The following RTN3 variants were observed in gnomAD, a reference collection of about 807,000 sequenced individuals.
The protein encoded by RTN3 is reticulon-3.
Under a neutral mutation model 77.8 loss-of-function variants are expected in RTN3, and 49 were observed. That is an observed-to-expected ratio of 0.63 (90% CI 0.50 to 0.80). RTN3 has a LOEUF of 0.80. Among genes scored for constraint, RTN3 ranks in the 30% least tolerant of loss-of-function variants. The pLI, the probability that RTN3 is intolerant of heterozygous loss-of-function variation, is 0.00. For synonymous variants in RTN3, 464 were observed against 446.9 expected (o/e 1.04, Z -0.48); for missense variants, 1,236 against 1,211.9 (o/e 1.02, Z -0.29).
chr11:63,721,149 A>T, intron 3 of RTN3, 117 bp downstream of exon 3: 1 of 867,100 alleles, frequency 1.2e-6, no homozygotes, highest in Non-Finnish European at 1.7e-6. Context: ...ATACAAAAAC[A>T]ATATGCTGTA....
intron 2 of RTN3, among the ~76,000 whole-genome samples, chr11:63,716,973 AAAAAAC>A (rs1447332412): frequency 6.0e-5 from 6 of 99,716 alleles, no homozygotes; most frequent in Non-Finnish European, 1.3e-4. Context: ...CGTCTCAAAA[AAAAAAC>A]AAAAAAAAAA....
intron 3 of RTN3, among the ~76,000 whole-genome samples, chr11:63,745,424 G>A (rs2013737518): frequency 6.6e-6 from 1 of 152,244 alleles, no homozygotes; most frequent in Admixed American, 6.5e-5. Context: ...GGAATAGAAA[G>A]TGATGAAGGC....
chr11:63,710,572 C>T (rs540638487), intron 2 of RTN3, among the ~76,000 whole-genome samples: 11 of 152,208 alleles, frequency 7.2e-5, no homozygotes, highest in Non-Finnish European at 8.8e-5. Context: ...CTGCTGTATG[C>T]CTTGGTACTC....
intron 3 of RTN3, among the ~76,000 whole-genome samples, chr11:63,737,694 G>A (rs1187196100): frequency 6.6e-6 from 1 of 152,196 alleles, no homozygotes; most frequent in Non-Finnish European, 1.5e-5. Flanking sequence ...CACCTGGAGA[G>A]GGGTAGACAA....
chr11:63,722,416 G>A (rs892053732), intron 3 of RTN3, among the ~76,000 whole-genome samples: 2 of 152,160 alleles, frequency 1.3e-5, no homozygotes, highest in Non-Finnish European at 2.9e-5. Context: ...TAGATAAATT[G>A]TACTTAACCT....
At chr11:63,754,516 C>T (rs1379113454) in intron 7 of RTN3, among the ~76,000 whole-genome samples, 20 of 151,988 alleles carry the variant, frequency 1.3e-4, no homozygotes, top group Non-Finnish European at 2.4e-4. Flanking sequence ...CTGGCTAACA[C>T]GGTGAAACCC....
chr11:63,690,663 C>T lies in RTN3; in HGVS notation c.142+8885C>T, dbSNP rs553811820. 5.3e-4 allele frequency among the ~76,000 whole-genome samples: 81 copies of T among 152,278 alleles called. No homozygotes were observed. The Middle Eastern group carries it at 0.017, about 32-fold the overall frequency. Reference sequence around the variant, plus strand: ...AATTTAAAAGTCTTAATTTCTGGCTCCACGGTTCTTAAGCCAGGTGCCTTT... The same window carrying T: ...AATTTAAAAGTCTTAATTTCTGGCTTCACGGTTCTTAAGCCAGGTGCCTTT... On this transcript the variant is annotated intron_variant, in intron 1 of 8. Coordinates refer to ENST00000377819, the MANE Select transcript of RTN3 (RefSeq NM_001265589.2).
At chr11:63,710,045 CATTTT>C (rs1362538933) in intron 2 of RTN3, among the ~76,000 whole-genome samples, 1 of 152,116 alleles carries the variant, frequency 6.6e-6, no homozygotes, top group African/African-American at 2.4e-5. Flanking sequence ...TTATAGATCA[CATTTT>C]GTTTTTAGTA....
intron 3 of RTN3, among the ~76,000 whole-genome samples, chr11:63,741,200 TATTTA>T (rs2013447263): frequency 1.4e-5 from 2 of 146,360 alleles, no homozygotes; most frequent in Non-Finnish European, 1.5e-5. Flanking sequence ...TTTATTTATT[TATTTA>T]TTTATTTATT....
rs1290072223 is a variant in RTN3, at chr11:63,718,761, C to CT, written c.262dup (p.Ser88PhefsTer4). The CT allele has an allele frequency of 6.2e-7, 1 of 1,606,740 alleles. No individual in the cohort carries two copies. Among genetic ancestry groups the CT allele is most frequent in the South Asian group, 1.1e-5 (1 of 88,712 alleles). On this transcript the variant is annotated frameshift_variant, in exon 3 of 9. Coordinates refer to ENST00000377819, the MANE Select transcript of RTN3 (RefSeq NM_001265589.2). LOFTEE classifies it high-confidence loss of function. ...TTCAGAAATTATGACTTCTTCCTTT[C>CT]TTTCATCTTCTGAAATACATAACAC... is the stretch of plus-strand genomic sequence containing the variant.
At chr11:63,726,177 T>C (rs2012248226) in intron 3 of RTN3, among the ~76,000 whole-genome samples, 1 of 152,206 alleles carries the variant, frequency 6.6e-6, no homozygotes, top group Non-Finnish European at 1.5e-5. Flanking sequence ...CCTTCCTGCA[T>C]ATAACTGGAC....
At chr11:63,706,589 G>A (rs1942504671) in intron 2 of RTN3, among the ~76,000 whole-genome samples, 1 of 151,970 alleles carries the variant, frequency 6.6e-6, no homozygotes. Flanking sequence ...GGTATCTTGT[G>A]GGCCAAATAA....
At chr11:63,754,002 T>A (rs938391595) in intron 7 of RTN3, among the ~76,000 whole-genome samples, 1 of 152,182 alleles carries the variant, frequency 6.6e-6, no homozygotes, top group African/African-American at 2.4e-5. Context: ...GTTGAAAAAA[T>A]GCTTAGGCCA....
intron 3 of RTN3, among the ~76,000 whole-genome samples, chr11:63,727,785 A>G (rs2012387345): frequency 6.6e-6 from 1 of 152,114 alleles, no homozygotes; most frequent in Admixed American, 6.6e-5. Flanking sequence ...GACCTGCAAA[A>G]CCTATTTTTT....
At position 63,742,678 on chromosome 11, in the gene RTN3, C is replaced by T. The variant is rs1029803321; in HGVS notation, c.2531-7313C>T. Among the ~76,000 whole-genome samples, 6 of 151,952 alleles carry T rather than the reference C, an allele frequency of 3.9e-5. No homozygotes were observed. The East Asian group carries it at 5.8e-4, about 15-fold the overall frequency. ...AAAAAGAAAGGATTGTGATTAAAGT[C>T]GTGAAGAATTATAGGTCAATTTGGG... On this transcript the variant is annotated intron_variant, in intron 3 of 8. Transcript: ENST00000377819.
rs530586854 is a variant in RTN3, at chr11:63,683,254, C to G, written c.142+1476C>G. Among the ~76,000 whole-genome samples the G allele has an allele frequency of 6.8e-4, 103 of 152,286 alleles. No homozygotes were observed. In the Middle Eastern group the frequency reaches 0.014, roughly 20 times the overall value. On this transcript the variant is annotated intron_variant, in intron 1 of 8. Transcript: ENST00000377819. The stretch of plus-strand genomic sequence containing the variant: ...ACCCTGTCTCCTTTAAACCACCAGC[C>G]TTTTCTCCAAATTTTTGTGTTCTGG...
upstream of RTN3, chr11:63,681,454 G>GCGCGCT (rs1555062130): frequency 5.5e-6 from 3 of 546,684 alleles, no homozygotes; most frequent in East Asian, 7.0e-5. Context: ...TTGTGCGCAT[G>GCGCGCT]CGCGCTCGCG....
chr11:63,758,415 G>C lies in RTN3; in HGVS notation c.*214G>C, dbSNP rs778447947. On this transcript the variant is annotated 3_prime_UTR_variant, in exon 9 of 9. Coordinates refer to ENST00000377819, the MANE Select transcript of RTN3 (RefSeq NM_001265589.2). ...GATAAAAGAACTATCTTAGAACTCAGAAGAAGAAAGAATCAAATTCATAGG... is the reference window on the plus strand; with the variant it reads ...GATAAAAGAACTATCTTAGAACTCACAAGAAGAAAGAATCAAATTCATAGG... The C allele has an allele frequency of 3.0e-6, 4 of 1,344,948 alleles. 1 individual carries two copies. Among genetic ancestry groups the C allele is most frequent in the South Asian group, 2.7e-5 (2 of 73,158 alleles). 83.3% of individuals were successfully genotyped at this position (1,344,948 alleles called of 1,614,324 possible).
intron 2 of RTN3, among the ~76,000 whole-genome samples, chr11:63,711,641 C>T (rs561658121): frequency 6.6e-6 from 1 of 152,024 alleles, no homozygotes; most frequent in South Asian, 2.1e-4. Flanking sequence ...CTCAGCTCAC[C>T]ACAACCTCTG....
Sources: allele counts gnomAD v4.1 joint callset (sites outside exome capture counted in the v4.1 genomes callset), GRCh38; gene constraint gnomAD v4.1.1; transcripts MANE v1.5; gene names NCBI Gene and HGNC (gene_info 2026-07-23, HGNC 2026-07-21).